TRIP11: variants seen among roughly 807,000 people sequenced by gnomAD.
TRIP11 encodes the protein thyroid hormone receptor interactor 11, also known as thyroid receptor-interacting protein 11.
A neutral mutation model predicts 223.1 loss-of-function variants in TRIP11; 148 were observed. That is an observed-to-expected ratio of 0.66 (90% CI 0.58 to 0.76). The LOEUF (loss-of-function observed/expected upper bound fraction) is 0.76. TRIP11 is among the 30% of genes least tolerant of loss of function. TRIP11 has a pLI of 0.00. For synonymous variants in TRIP11, 762 were observed against 772.6 expected (o/e 0.99, Z 0.23); for missense variants, 2,043 against 2,222.0 (o/e 0.92, Z 1.62).
rs2056791482 is a variant in TRIP11 at position 91,999,351 on chromosome 14, G to GA, written c.4780dup (p.Ser1594PhefsTer5). 1.9e-6 allele frequency: 3 copies of GA among 1,613,750 alleles called. No individual in the cohort carries two copies. Among genetic ancestry groups the GA allele is most frequent in the Non-Finnish European group, 2.5e-6 (3 of 1,179,900 alleles). On this transcript the variant is annotated frameshift_variant, in exon 13 of 21. Transcript: ENST00000267622. LOFTEE classifies it high-confidence loss of function. Reference sequence around the variant, plus strand: ...TGCAGCCAAAGCTTCACGGGTATAAGAATCTTCTGATTCTAAAAGATGATT... The same window carrying GA: ...TGCAGCCAAAGCTTCACGGGTATAAGAAATCTTCTGATTCTAAAAGATGATT...
In TRIP11 at chr14:91,986,782, T is replaced by C. The variant is rs1231406142; in HGVS notation, c.5260+1502A>G. ...TTGCCCATATGTCTTCCAGATAATGTTGTAGTTGCACTGGCCTTCGATCTA... is the reference window on the plus strand; with the variant it reads ...TTGCCCATATGTCTTCCAGATAATGCTGTAGTTGCACTGGCCTTCGATCTA... On this transcript the variant is annotated intron_variant, in intron 16 of 20. Coordinates refer to ENST00000267622, the MANE Select transcript of TRIP11 (RefSeq NM_004239.4). Among the ~76,000 whole-genome samples, 5 of 152,192 alleles carry C rather than the reference T, an allele frequency of 3.3e-5. No individual in the cohort carries two copies. The East Asian group carries it at 5.8e-4, about 18-fold the overall frequency.
rs1299413796 is a variant in TRIP11, at chr14:92,040,055, G to C, written c.-370C>G. The C allele has an allele frequency of 1.4e-5, 6 of 414,848 alleles. No individual in the cohort carries two copies. Among genetic ancestry groups the C allele is most frequent in the Non-Finnish European group, 2.3e-5 (5 of 220,884 alleles). 25.7% of individuals were successfully genotyped at this position (414,848 alleles called of 1,614,324 possible). ...TGACACTCGCTCGGAAAGCGGCAGC[G>C]GATCATAGAAAAGCGCCGCGGTGGC... On this transcript the variant is annotated 5_prime_UTR_variant, in exon 1 of 21. Coordinates refer to ENST00000267622, the MANE Select transcript of TRIP11 (RefSeq NM_004239.4).
chr14:92,030,366 A>G (rs1224892553), intron 2 of TRIP11, among the ~76,000 whole-genome samples: 1 of 152,154 alleles, frequency 6.6e-6, no homozygotes, highest in African/African-American at 2.4e-5. Flanking sequence ...CTAAGCAGAT[A>G]CATGACAGTA....
At chr14:91,986,297 C>T (rs1186945723) in intron 16 of TRIP11, among the ~76,000 whole-genome samples, 1 of 152,026 alleles carries the variant, frequency 6.6e-6, no homozygotes, top group Non-Finnish European at 1.5e-5. Flanking sequence ...GTTGAGTATC[C>T]CTTACCCAAA....
At chr14:92,020,612 G>A (rs1385054053) in intron 4 of TRIP11, among the ~76,000 whole-genome samples, 1 of 151,004 alleles carries the variant, frequency 6.6e-6, no homozygotes, top group East Asian at 1.9e-4. Flanking sequence ...CAGAAGAGAA[G>A]GTTCTTGGTT....
chr14:92,033,282 T>C (rs750314785), intron 1 of TRIP11, 29 bp from the exon 2 acceptor site: 1 of 1,499,508 alleles, frequency 6.7e-7, no homozygotes, highest in South Asian at 1.1e-5. Context: ...ATATTGAATA[T>C]TTAATCAATA....
intron 12 of TRIP11, 44 bp from the exon 13 acceptor site, chr14:91,999,477 C>CAAA: frequency 6.3e-7 from 1 of 1,584,428 alleles, no homozygotes; most frequent in African/African-American, 1.3e-5. Flanking sequence ...TGCTCCCTTT[C>CAAA]CACTGCTACA....
chr14:92,036,293 T>C lies in TRIP11; in HGVS notation c.140-3040A>G, dbSNP rs556353960. Among the ~76,000 whole-genome samples, 38 of 152,314 alleles carry C rather than the reference T, an allele frequency of 2.5e-4. 2 individuals carry two copies. In the South Asian group the frequency reaches 7.3e-3, roughly 29 times the overall value. On this transcript the variant is annotated intron_variant, in intron 1 of 20. Transcript: ENST00000267622. Reference sequence around the variant, plus strand: ...GGGAGATATTATGCAGACAAAAATATTCTGACTTTGTCAATAAGGGCAAAT... The same window carrying C: ...GGGAGATATTATGCAGACAAAAATACTCTGACTTTGTCAATAAGGGCAAAT...
At chr14:92,033,730 A>T (rs1206326585) in intron 1 of TRIP11, among the ~76,000 whole-genome samples, 1 of 151,940 alleles carries the variant, frequency 6.6e-6, no homozygotes, top group African/African-American at 2.4e-5. Flanking sequence ...CGGCTGAGTT[A>T]GGTTAGAGGC....
In TRIP11 at chr14:91,999,975, T is replaced by G. The variant is rs886044293; in HGVS notation, c.4691A>C (p.Gln1564Pro). The G allele has an allele frequency of 1.2e-6, 2 of 1,613,978 alleles. No individual in the cohort carries two copies. The highest frequency in any genetic ancestry group is 1.7e-6 in the Non-Finnish European group (2 of 1,179,936). Residue 1564 changes from glutamine to proline, a missense_variant, in exon 12 of 21, where the codon CAG becomes CCG. Physicochemically the swap from Gln to Pro is moderately conservative, Grantham distance 76 (BLOSUM62 -1). Coordinates refer to ENST00000267622, the MANE Select transcript of TRIP11 (RefSeq NM_004239.4). ...KQKQMENTAL[Q>P]NEVQRLRDKE... ...TTTAAAGTGAAAGTATACCTCATTC[T>G]GTAGGGCAGTATTTTCCATTTGTTT...
intron 4 of TRIP11, 151 bp from the exon 5 acceptor site, chr14:92,017,901 T>C: frequency 1.6e-6 from 1 of 642,416 alleles, no homozygotes; most frequent in Non-Finnish European, 2.7e-6. Flanking sequence ...TTAAAGAACC[T>C]AGTCTAATAG....
chr14:92,014,629 A>T, intron 6 of TRIP11, 52 bp from the exon 7 acceptor site: 1 of 1,563,798 alleles, frequency 6.4e-7, no homozygotes, highest in Non-Finnish European at 8.6e-7. Flanking sequence ...CCAAGAAATA[A>T]ACGGTTTGCT....
intron 16 of TRIP11, among the ~76,000 whole-genome samples, chr14:91,977,786 C>G (rs1032158656): frequency 2.0e-5 from 3 of 151,958 alleles, no homozygotes; most frequent in Non-Finnish European, 2.9e-5. Context: ...TGCACAATGC[C>G]CAAAATTCCG....
At chr14:92,025,482 C>A in intron 2 of TRIP11, 62 bp from the exon 3 acceptor site, 1 of 1,189,012 alleles carries the variant, frequency 8.4e-7, no homozygotes, top group Non-Finnish European at 1.2e-6. Context: ...TAGTTATGTG[C>A]ACAGCATTAT....
chr14:92,016,277 C>T (rs1167779217), intron 5 of TRIP11, among the ~76,000 whole-genome samples: 1 of 152,158 alleles, frequency 6.6e-6, no homozygotes, highest in Non-Finnish European at 1.5e-5. Context: ...CTTATTGGGA[C>T]TCCCAAACTG....
intron 11 of TRIP11, 56 bp downstream of exon 11, chr14:92,003,363 A>G: frequency 1.3e-6 from 2 of 1,597,010 alleles, no homozygotes; most frequent in South Asian, 2.2e-5. Context: ...AAATAACATT[A>G]AAAAAAGTCT....
chr14:92,001,695 A>C (rs1049821235), intron 11 of TRIP11, among the ~76,000 whole-genome samples: 2 of 152,190 alleles, frequency 1.3e-5, no homozygotes, highest in African/African-American at 4.8e-5. Context: ...AATTGTACAA[A>C]ACGCTAAAAC....
chr14:92,025,530 T>C (rs2057173293), intron 2 of TRIP11, 110 bp from the exon 3 acceptor site: 1 of 742,314 alleles, frequency 1.3e-6, no homozygotes. Context: ...AAATGTCAAA[T>C]ATAAAAGGTC....
At chr14:91,984,324 T>C (rs1347378595) in intron 16 of TRIP11, among the ~76,000 whole-genome samples, 1 of 150,760 alleles carries the variant, frequency 6.6e-6, no homozygotes, top group Non-Finnish European at 1.5e-5. Flanking sequence ...TTTCTTTTTT[T>C]TTTTTTTTTG....
Sources: gnomAD v4.1 joint callset for allele counts (sites outside exome capture counted in the v4.1 genomes callset) on GRCh38, gnomAD v4.1.1 for gene constraint, MANE v1.5 for transcripts, NCBI Gene and HGNC (gene_info 2026-07-23, HGNC 2026-07-21) for gene names.